ZNF438: variants seen among roughly 807,000 people sequenced by gnomAD.
ZNF438 encodes zinc finger protein 438.
ZNF438 carries 25 observed loss-of-function variants against 38.0 expected under a neutral mutation model. The observed-to-expected ratio is 0.66, with a 90% CI of 0.48 to 0.92. The LOEUF is 0.92. ZNF438 is among the 40% of genes least tolerant of loss of function. The pLI is 0.00. For synonymous variants in ZNF438, 372 were observed against 364.1 expected (o/e 1.02, Z -0.25); for missense variants, 1,007 against 999.6 (o/e 1.01, Z -0.10).
intron 3 of ZNF438, among the ~76,000 whole-genome samples, chr10:30,882,961 G>T (rs1329717182): frequency 6.6e-6 from 1 of 152,082 alleles, no homozygotes; most frequent in South Asian, 2.1e-4. Context: ...TTTAACAGAT[G>T]TTGTTTGCAG....
Position 30,927,237 on chromosome 10 carries a change from A to C in ZNF438, c.-115+14338T>G, listed in dbSNP as rs77714296. Among the ~76,000 whole-genome samples, 539 of 152,302 alleles carry C rather than the reference A, an allele frequency of 3.5e-3. 3 individuals carry two copies. The highest frequency in any genetic ancestry group is 0.017 in the Middle Eastern group (5 of 294). ...CAGTTTTGGAGGAATGGCATTGCCA[A>C]AACCCCCACAAGTGATACCTATAAG... On this transcript the variant is annotated intron_variant, in intron 2 of 5. Transcript: ENST00000413025.
chr10:30,883,649 TC>T (rs760879750), intron 3 of ZNF438, among the ~76,000 whole-genome samples: 4 of 152,084 alleles, frequency 2.6e-5, no homozygotes, highest in Non-Finnish European at 4.4e-5. Context: ...GGTGGAAGCA[TC>T]GCCTAAGCCC....
intron 2 of ZNF438, among the ~76,000 whole-genome samples, chr10:30,913,492 C>T (rs1384609576): frequency 1.3e-5 from 2 of 152,038 alleles, no homozygotes; most frequent in Admixed American, 1.3e-4. Context: ...TAAATGTATC[C>T]TCCTTAGGGA....
intron 1 of ZNF438, among the ~76,000 whole-genome samples, chr10:30,982,517 T>G (rs2052328637): frequency 6.6e-6 from 1 of 152,200 alleles, no homozygotes; most frequent in African/African-American, 2.4e-5. Flanking sequence ...TAACACCAAT[T>G]CTGGCTAAAG....
At chr10:30,902,844 C>T (rs770788425) in intron 3 of ZNF438, among the ~76,000 whole-genome samples, 13 of 152,224 alleles carry the variant, frequency 8.5e-5, no homozygotes, top group African/African-American at 2.2e-4. Context: ...TGGGACCAGG[C>T]GCCGTGCAGC....
intron 1 of ZNF438, among the ~76,000 whole-genome samples, chr10:30,942,992 A>T (rs899930832): frequency 3.3e-5 from 5 of 152,248 alleles, no homozygotes; most frequent in African/African-American, 1.2e-4. Flanking sequence ...CAATAAAAGT[A>T]AACAAAGACT....
intron 2 of ZNF438, chr10:30,919,199 C>G (rs957820969): frequency 3.3e-5 from 5 of 152,160 alleles, no homozygotes; most frequent in Admixed American, 3.3e-4. Context: ...CGTATCTTCA[C>G]TATCTGATTC....
In ZNF438 at chr10:30,845,158, C is replaced by A. The variant is rs759806867; in HGVS notation, c.2290G>T (p.Gly764Cys). The A allele has an allele frequency of 4.3e-6, 7 of 1,614,066 alleles. No homozygotes were observed. In the Admixed American group the frequency reaches 1.0e-4, roughly 23 times the overall value. ...GACCACAAGAGAAACGTGTGGAGGC[C>A]AGGACACTCAGGGCCCTGGCAGGTT... Residue 764 changes from glycine (G) to cysteine (C), a missense_variant, in exon 6 of 6, where the codon GGC (glycine) becomes TGC (cysteine). Transcript: ENST00000413025.
chr10:30,970,143 C>CACACAT lies in ZNF438; in HGVS notation c.-191-28493_-191-28492insATGTGT, dbSNP rs1240174578. ...ACACACACACACACACACACACACACATATACACACACACACATATATTAG... is the reference window on the plus strand; with the variant it reads ...ACACACACACACACACACACACACACACACATATATACACACACACACATATATTAG... On this transcript the variant is annotated intron_variant, in intron 1 of 5. Transcript: ENST00000413025. Among the ~76,000 whole-genome samples the CACACAT allele has an allele frequency of 2.6e-3, 373 of 144,056 alleles. 1 individual carries two copies. Among genetic ancestry groups the CACACAT allele is most frequent in the African/African-American group, 9.3e-3 (357 of 38,272 alleles). 94.5% of individuals were successfully genotyped at this position (144,056 alleles called of 152,430 possible).
At chr10:30,921,841 C>T (rs2044330496) in intron 2 of ZNF438, among the ~76,000 whole-genome samples, 1 of 152,152 alleles carries the variant, frequency 6.6e-6, no homozygotes, top group Non-Finnish European at 1.5e-5. Context: ...CTTCCCAATA[C>T]CGATCTTTCT....
intron 1 of ZNF438, among the ~76,000 whole-genome samples, chr10:30,964,563 C>T (rs978447294): frequency 3.3e-5 from 5 of 152,130 alleles, no homozygotes; most frequent in Admixed American, 6.5e-5. Flanking sequence ...TGTTGACTGA[C>T]GGACATTAGT....
chr10:30,854,161 T>C (rs900065387), intron 4 of ZNF438, among the ~76,000 whole-genome samples: 3 of 150,832 alleles, frequency 2.0e-5, no homozygotes, highest in Non-Finnish European at 4.4e-5. Context: ...CTACTAAAAA[T>C]ACAAAAAAAT....
chr10:30,925,526 G>T (rs1331920397), intron 2 of ZNF438, among the ~76,000 whole-genome samples: 1 of 152,182 alleles, frequency 6.6e-6, no homozygotes, highest in Non-Finnish European at 1.5e-5. Context: ...CAAAATAAAA[G>T]TTATCGCATT....
intron 1 of ZNF438, among the ~76,000 whole-genome samples, chr10:30,947,897 G>A (rs527287530): frequency 5.8e-4 from 89 of 152,298 alleles, no homozygotes; most frequent in African/African-American, 2.0e-3. Flanking sequence ...CGCACCCACT[G>A]ACCTGCGCCC....
intron 1 of ZNF438, among the ~76,000 whole-genome samples, chr10:30,946,511 A>G (rs1475700259): frequency 6.6e-6 from 1 of 152,168 alleles, no homozygotes; most frequent in African/African-American, 2.4e-5. Flanking sequence ...AAAAACAAAC[A>G]ACCCCATCAA....
chr10:30,845,880 G>A (rs749901292), intron 5 of ZNF438, among the ~76,000 whole-genome samples: 5 of 152,188 alleles, frequency 3.3e-5, no homozygotes, highest in African/African-American at 4.8e-5. Context: ...CAATCACGTG[G>A]AAGAGTCACG....
At chr10:31,019,415 C>T (rs187813668) in intron 1 of ZNF438, among the ~76,000 whole-genome samples, 4 of 152,182 alleles carry the variant, frequency 2.6e-5, no homozygotes, top group East Asian at 3.9e-4. Flanking sequence ...CTTGGGATGA[C>T]GAAAGATTTC....
chr10:31,001,815 T>C (rs1471729305), intron 1 of ZNF438, among the ~76,000 whole-genome samples: 3 of 152,196 alleles, frequency 2.0e-5, no homozygotes, highest in Admixed American at 2.0e-4. Context: ...TAATTACTTG[T>C]ATACCAGACC....
intron 3 of ZNF438, among the ~76,000 whole-genome samples, chr10:30,900,818 T>A (rs2041888136): frequency 6.6e-6 from 1 of 152,194 alleles, no homozygotes; most frequent in South Asian, 2.1e-4. Flanking sequence ...AATTTTTAAA[T>A]GGCCTATACT....
Sources: allele counts gnomAD v4.1 joint callset (sites outside exome capture counted in the v4.1 genomes callset), GRCh38; gene constraint gnomAD v4.1.1; transcripts MANE v1.5; gene names NCBI Gene and HGNC (gene_info 2026-07-23, HGNC 2026-07-21).